VMP1: variants seen among roughly 807,000 people sequenced by gnomAD.
VMP1 encodes vacuole membrane protein 1.
VMP1 carries 11 observed loss-of-function variants against 56.0 expected under a neutral mutation model. The ratio of observed to expected loss-of-function variants is 0.20; its 90% CI spans 0.12 to 0.32. The LOEUF (loss-of-function observed/expected upper bound fraction) is 0.32, where lower values mean the gene tolerates loss of function less well. Ranked by LOEUF, VMP1 falls within the 10% of genes least tolerant of loss-of-function variation. The probability of loss-of-function intolerance (pLI) is 1.00; values close to 1 mark genes in which losing one functional copy is unlikely to be tolerated. For synonymous variants in VMP1, 149 were observed against 165.0 expected, an observed-to-expected ratio of 0.90 and a Z score of 0.74; for missense variants, 296 against 490.3, an observed-to-expected ratio of 0.60 and a Z score of 3.74.
In VMP1 at chr17:59,841,041, T is replaced by A. The variant is rs1263581622; in HGVS notation, c.*1130T>A. Reference sequence around the variant, plus strand: ...CCATTGGGATGTTTTTGATTGAACTTGTTCATTTTGTTTTGCTTGGGAGGA... The same window carrying A: ...CCATTGGGATGTTTTTGATTGAACTAGTTCATTTTGTTTTGCTTGGGAGGA... On this transcript the variant is annotated 3_prime_UTR_variant, in exon 12 of 12. Transcript: ENST00000262291. The A allele has an allele frequency of 1.1e-5, 2 of 187,672 alleles. No individual in the cohort carries two copies. The highest frequency in any genetic ancestry group is 2.3e-5 in the Non-Finnish European group (2 of 85,842). The allele number at this position is 187,672 out of a possible 1,614,324, so 11.6% of individuals were successfully genotyped here.
intron 5 of VMP1, among the ~76,000 whole-genome samples, chr17:59,741,785 ACT>A (rs2035235649): frequency 6.6e-6 from 1 of 152,124 alleles, no homozygotes; most frequent in South Asian, 2.1e-4. Context: ...TTTAGCAAAA[ACT>A]CTGAATACAA....
Position 59,789,835 on chromosome 17 carries a change from C to CTTTTTTTTTTT in VMP1, c.714+15962_714+15972dup, listed in dbSNP as rs754631557. Among the ~76,000 whole-genome samples, 88 of 85,978 alleles carry CTTTTTTTTTTT rather than the reference C, an allele frequency of 1.0e-3. 6 individuals carry two copies. The highest frequency in any genetic ancestry group is 2.9e-3 in the African/African-American group (61 of 20,690). 56.4% of individuals were successfully genotyped at this position (85,978 alleles called of 152,430 possible). A position where few individuals can be genotyped will look rare whatever the true frequency, so the allele number is the denominator to read the frequency against. Reference sequence around the variant, plus strand: ...TTCCTTCCTTCCTTTCTTTCTTTCCCTTTTTTTTTTTTTTTTTTTTTTGAG... The same window carrying CTTTTTTTTTTT: ...TTCCTTCCTTCCTTTCTTTCTTTCCCTTTTTTTTTTTTTTTTTTTTTTTTTTTTTTTTTGAG... On this transcript the variant is annotated intron_variant, in intron 7 of 11. Coordinates refer to ENST00000262291, the MANE Select transcript of VMP1 (RefSeq NM_030938.5).
chr17:59,708,001 C>G (rs1218696830), intron 1 of VMP1: 1 of 152,232 alleles, frequency 6.6e-6, no homozygotes, highest in African/African-American at 2.4e-5. Context: ...GCTGTTCGTT[C>G]TCCTCTCCGC....
At chr17:59,808,934 C>T in intron 8 of VMP1, 58 bp downstream of exon 8, 2 of 1,382,438 alleles carry the variant, frequency 1.4e-6, no homozygotes, top group Non-Finnish European at 2.0e-6. Context: ...TATTTTGATC[C>T]ATATATACTC....
chr17:59,776,589 T>A (rs895857549), intron 7 of VMP1, among the ~76,000 whole-genome samples: 1 of 152,220 alleles, frequency 6.6e-6, no homozygotes, highest in African/African-American at 2.4e-5. Flanking sequence ...ATTTAGTTGT[T>A]ACTTCCCAAA....
intron 5 of VMP1, among the ~76,000 whole-genome samples, chr17:59,764,689 A>T: frequency 6.6e-6 from 1 of 152,130 alleles, no homozygotes; most frequent in Middle Eastern, 3.2e-3. Context: ...ATGGCTGAAT[A>T]TGTTCGTCAA....
intron 10 of VMP1, among the ~76,000 whole-genome samples, chr17:59,820,960 TC>T (rs1490119684): frequency 6.6e-6 from 1 of 151,834 alleles, no homozygotes; most frequent in African/African-American, 2.4e-5. Context: ...CTTATGTCTT[TC>T]TTTCTTTTTT....
chr17:59,716,426 G>A (rs1222664518), intron 1 of VMP1, among the ~76,000 whole-genome samples: 5 of 152,188 alleles, frequency 3.3e-5, no homozygotes, highest in Non-Finnish European at 5.9e-5. Context: ...GAAAATACTA[G>A]GACAAGCTAA....
At chr17:59,819,474 T>C (rs2038362643) in intron 10 of VMP1, among the ~76,000 whole-genome samples, 1 of 152,090 alleles carries the variant, frequency 6.6e-6, no homozygotes, top group Admixed American at 6.6e-5. Context: ...TTTGTTGTTG[T>C]TTTTGAGACA....
At chr17:59,815,961 C>A (rs1002608029) in intron 9 of VMP1, among the ~76,000 whole-genome samples, 2 of 151,144 alleles carry the variant, frequency 1.3e-5, no homozygotes, top group African/African-American at 4.9e-5. Context: ...CCTCCCATGT[C>A]TTTTTTCCTC....
intron 1 of VMP1, among the ~76,000 whole-genome samples, chr17:59,713,953 A>G (rs1318117641): frequency 6.6e-6 from 1 of 150,816 alleles, no homozygotes; most frequent in East Asian, 1.9e-4. Context: ...AGGCATTAGA[A>G]TCGCTTGAAC....
chr17:59,766,645 A>G (rs1160748701), intron 6 of VMP1, among the ~76,000 whole-genome samples: 2 of 152,196 alleles, frequency 1.3e-5, no homozygotes, highest in Admixed American at 6.5e-5. Context: ...ATGATCGTAT[A>G]TGGCAATTTT....
intron 7 of VMP1, among the ~76,000 whole-genome samples, chr17:59,801,148 G>GTA (rs1555623923): frequency 0.017 from 2,302 of 136,278 alleles, 67 homozygotes; most frequent in East Asian, 0.061. Flanking sequence ...GTGTGTGTGT[G>GTA]TATGGCACAT....
rs1038314655 is a variant in VMP1, at chr17:59,842,014, C to T, written c.*2103C>T. The T allele has an allele frequency of 2.0e-5, 3 of 152,160 alleles. No individual in the cohort carries two copies. The highest frequency in any genetic ancestry group is 7.2e-5 in the African/African-American group (3 of 41,436). The allele number at this position is 152,160 out of a possible 1,614,324, so 9.4% of individuals were successfully genotyped here. A position where few individuals can be genotyped will look rare whatever the true frequency, so the allele number is the denominator to read the frequency against. On this transcript the variant is annotated 3_prime_UTR_variant, in exon 12 of 12. Transcript: ENST00000262291. ...GTCCTTCTTTCCTCTTTTAAGTGTTCAGCTGTGGCATGCTCAGAGGTTCCT... is the reference window on the plus strand; with the variant it reads ...GTCCTTCTTTCCTCTTTTAAGTGTTTAGCTGTGGCATGCTCAGAGGTTCCT...
chr17:59,827,524 C>A (rs979539806), intron 10 of VMP1, among the ~76,000 whole-genome samples: 1 of 151,556 alleles, frequency 6.6e-6, no homozygotes, highest in Admixed American at 6.6e-5. Flanking sequence ...ACCATATTGG[C>A]CAGGCTGGTC....
At chr17:59,801,148 G>GTGTGTGTGTGTGTGTA (rs1439842519) in intron 7 of VMP1, among the ~76,000 whole-genome samples, 14 of 136,314 alleles carry the variant, frequency 1.0e-4, no homozygotes, top group Admixed American at 3.0e-4. Context: ...GTGTGTGTGT[G>GTGTGTGTGTGTGTGTA]TATGGCACAT....
At chr17:59,724,231 G>T (rs1434663788) in intron 1 of VMP1, among the ~76,000 whole-genome samples, 1 of 145,446 alleles carries the variant, frequency 6.9e-6, no homozygotes, top group Non-Finnish European at 1.5e-5. Context: ...AAAAAAGAAA[G>T]AAAAGAAAAA....
intron 1 of VMP1, among the ~76,000 whole-genome samples, chr17:59,714,649 G>T (rs1298775379): frequency 6.6e-6 from 1 of 151,414 alleles, no homozygotes; most frequent in Non-Finnish European, 1.5e-5. Flanking sequence ...TTTTGTTTTT[G>T]GTGGGGGGTG....
chr17:59,817,027 G>A (rs1598435919), intron 9 of VMP1, among the ~76,000 whole-genome samples: 1 of 150,990 alleles, frequency 6.6e-6, no homozygotes, highest in South Asian at 2.1e-4. Flanking sequence ...CCAGCACTTT[G>A]GGAGGCTGAG....
Sources: allele counts gnomAD v4.1 joint callset (sites outside exome capture counted in the v4.1 genomes callset), GRCh38; gene constraint gnomAD v4.1.1; transcripts MANE v1.5; gene names NCBI Gene and HGNC (gene_info 2026-07-23, HGNC 2026-07-21).